TNFRSF8: variants seen among roughly 807,000 people sequenced by gnomAD.
TNFRSF8 encodes the protein TNF receptor superfamily member 8, also known as tumor necrosis factor receptor superfamily member 8.
TNFRSF8 carries 26 observed loss-of-function variants against 70.8 expected under a neutral mutation model. The ratio of observed to expected loss-of-function variants is 0.37; its 90% CI spans 0.27 to 0.51. The LOEUF is 0.51. TNFRSF8 is among the 20% of genes least tolerant of loss of function. The probability of loss-of-function intolerance (pLI) is 0.94; values close to 1 mark genes in which losing one functional copy is unlikely to be tolerated. For missense variants in TNFRSF8, 720 were observed against 807.9 expected, an observed-to-expected ratio of 0.89 and a Z score of 1.32; for synonymous variants, 356 against 339.2, an observed-to-expected ratio of 1.05 and a Z score of -0.54.
chr1:12,103,373 A>T (rs2100993982), intron 3 of TNFRSF8, among the ~76,000 whole-genome samples: 1 of 152,218 alleles, frequency 6.6e-6, no homozygotes, highest in East Asian at 1.9e-4. Context: ...AAAAATTAAT[A>T]AACTATTTCT....
intron 2 of TNFRSF8, among the ~76,000 whole-genome samples, chr1:12,094,341 C>T (rs751860919): frequency 4.3e-4 from 65 of 152,172 alleles, no homozygotes; most frequent in Admixed American, 2.6e-4. Flanking sequence ...GAGGAGCATT[C>T]GGGGCAGAGG....
At chr1:12,122,707 C>T (rs1641851782) in intron 8 of TNFRSF8, among the ~76,000 whole-genome samples, 2 of 151,942 alleles carry the variant, frequency 1.3e-5, no homozygotes, top group Admixed American at 1.3e-4. Flanking sequence ...AAGAAAAAAA[C>T]TTTAAAAATT....
chr1:12,104,566 C>G, intron 4 of TNFRSF8, 35 bp downstream of exon 4: 1 of 1,613,168 alleles, frequency 6.2e-7, no homozygotes, highest in Non-Finnish European at 8.5e-7. Context: ...GGACAGAGAT[C>G]TATGCTGTTG....
intron 12 of TNFRSF8, among the ~76,000 whole-genome samples, chr1:12,135,348 C>T (rs989189962): frequency 1.4e-5 from 2 of 146,582 alleles, no homozygotes; most frequent in Admixed American, 1.4e-4. Context: ...TGAGAGTGGC[C>T]AGGGGATAGA....
At chr1:12,078,882 T>C (rs1177695209) in intron 1 of TNFRSF8, among the ~76,000 whole-genome samples, 1 of 152,250 alleles carries the variant, frequency 6.6e-6, no homozygotes, top group Non-Finnish European at 1.5e-5. Flanking sequence ...TCAAACTCCC[T>C]GGGGCTCTTG....
chr1:12,079,544 C>A (rs373402022), intron 1 of TNFRSF8, among the ~76,000 whole-genome samples: 1 of 152,354 alleles, frequency 6.6e-6, no homozygotes, highest in East Asian at 1.9e-4. Context: ...CAGACTTCTC[C>A]GGGCAGCGGC....
chr1:12,076,023 C>T (rs1427842563), intron 1 of TNFRSF8, among the ~76,000 whole-genome samples: 2 of 152,124 alleles, frequency 1.3e-5, no homozygotes, highest in African/African-American at 4.8e-5. Context: ...CCCTTAAATA[C>T]CCTTAGTCCA....
Position 12,138,445 on chromosome 1 carries a change from G to A in TNFRSF8, c.1543+9G>A. 6.2e-7 allele frequency: 1 copy of A among 1,606,538 alleles called. No homozygotes were observed. Among genetic ancestry groups the A allele is most frequent in the South Asian group, 1.1e-5 (1 of 90,584 alleles). On this transcript the variant is annotated intron_variant, in intron 14 of 14. Coordinates refer to ENST00000263932, the MANE Select transcript of TNFRSF8 (RefSeq NM_001243.5). The surrounding 1 kb of genome is among the most constrained non-coding windows in gnomAD (Gnocchi z 5.7). ...CACCAATAACAAGATTGGTGAGTCA[G>A]CCTGTTTTGGGAGGTCCCCTGCAGC... is the stretch of plus-strand genomic sequence containing the variant.
At chr1:12,100,829 C>T (rs200468822) in intron 3 of TNFRSF8, among the ~76,000 whole-genome samples, 7 of 152,214 alleles carry the variant, frequency 4.6e-5, no homozygotes, top group East Asian at 1.9e-4. Flanking sequence ...CGTTGGCATG[C>T]GCCTGTAATC....
intron 3 of TNFRSF8, among the ~76,000 whole-genome samples, chr1:12,097,519 G>T (rs894325849): frequency 2.0e-5 from 3 of 152,120 alleles, no homozygotes; most frequent in African/African-American, 7.2e-5. Context: ...TTTACAATGA[G>T]GAATTTGAGG....
intron 12 of TNFRSF8, among the ~76,000 whole-genome samples, chr1:12,133,909 C>T (rs530220655): frequency 3.3e-5 from 5 of 152,032 alleles, no homozygotes; most frequent in African/African-American, 7.2e-5. Flanking sequence ...AAAAATTAGC[C>T]GGGCGTGGTG....
Position 12,115,601 on chromosome 1 carries a change from G to A in TNFRSF8, c.818G>A (p.Cys273Tyr), listed in dbSNP as rs2230624. The A allele has an allele frequency of 0.011, 18,002 of 1,614,202 alleles. 120 individuals are homozygous for A. The highest frequency in any genetic ancestry group is 0.014 in the Non-Finnish European group (16,409 of 1,180,020). The change falls in exon 8 of 15, where the codon TGT becomes TAT. Residue 273 changes from cysteine to tyrosine, a missense_variant. Cys to Tyr is a radical substitution (Grantham distance 194). Transcript: ENST00000263932. ...GATGACCTTGTGGAGAAGACGCCAT[G>A]TGCATGGAACTCCTCCCGCACCTGC... is the stretch of plus-strand genomic sequence containing the variant. ...SRDDLVEKTP[C>Y]AWNSSRTCEC...
intron 10 of TNFRSF8, among the ~76,000 whole-genome samples, chr1:12,124,279 G>A (rs1641890001): frequency 6.6e-6 from 1 of 152,124 alleles, no homozygotes; most frequent in Non-Finnish European, 1.5e-5. Context: ...AAAGTGCTAG[G>A]ATTATAGGTG....
chr1:12,097,148 A>T lies in TNFRSF8; in HGVS notation c.199A>T (p.Lys67Ter). ...QCPQRPTDCR[K>*]QCEPDYYLDE... is the part of the protein sequence containing the mutation. ...CCCACAGAGGCCTACTGACTGCAGG[A>T]AGCAGTGTGAGCCTGACTACTACCT... is the stretch of plus-strand genomic sequence containing the variant. Residue 67 changes from lysine (K) to a stop codon, truncating the protein, a stop_gained, in exon 3 of 15, where the codon AAG becomes TAG. Transcript: ENST00000263932. LOFTEE classifies it high-confidence loss of function. 1 of 1,614,082 alleles carries T rather than the reference A, an allele frequency of 6.2e-7. No individual in the cohort carries two copies. Among genetic ancestry groups the T allele is most frequent in the Non-Finnish European group, 8.5e-7 (1 of 1,179,988 alleles).
At chr1:12,103,981 AT>A (rs1641470419) in intron 3 of TNFRSF8, among the ~76,000 whole-genome samples, 1 of 151,974 alleles carries the variant, frequency 6.6e-6, no homozygotes, top group Non-Finnish European at 1.5e-5. Context: ...CATCCAGAAT[AT>A]TTTCACTGCC....
chr1:12,106,309 G>T (rs113810298), intron 4 of TNFRSF8, among the ~76,000 whole-genome samples: 2,436 of 152,062 alleles, frequency 0.016, 65 homozygotes, highest in African/African-American at 0.056. Context: ...CTCTGTCGGA[G>T]ACACCCTTCC....
intron 12 of TNFRSF8, among the ~76,000 whole-genome samples, chr1:12,126,525 T>C (rs1641943777): frequency 6.6e-6 from 1 of 152,182 alleles, no homozygotes; most frequent in Non-Finnish European, 1.5e-5. Context: ...ATCTTGTCTG[T>C]CACTTTTTCC....
At chr1:12,103,207 A>G (rs1486046345) in intron 3 of TNFRSF8, among the ~76,000 whole-genome samples, 1 of 152,080 alleles carries the variant, frequency 6.6e-6, no homozygotes, top group Non-Finnish European at 1.5e-5. Context: ...CTATAAAAAT[A>G]CAAAAAATTA....
At chr1:12,095,229 CTG>C (rs1198490082) in intron 2 of TNFRSF8, among the ~76,000 whole-genome samples, 3 of 151,838 alleles carry the variant, frequency 2.0e-5, no homozygotes, top group Non-Finnish European at 4.4e-5. Flanking sequence ...TGCTTTGAAA[CTG>C]TGGAGTTATT....
Sources: gnomAD v4.1 joint callset for allele counts (sites outside exome capture counted in the v4.1 genomes callset) on GRCh38, gnomAD v4.1.1 for gene constraint, Gnocchi (gnomAD v3.1) non-coding constraint, MANE v1.5 for transcripts, NCBI Gene and HGNC (gene_info 2026-07-23, HGNC 2026-07-21) for gene names.